The following COL20A1 variants were observed in gnomAD, a reference collection of about 807,000 sequenced individuals.
COL20A1 encodes the protein collagen alpha-1(XX) chain.
COL20A1 carries 164 observed loss-of-function variants against 152.9 expected under a neutral mutation model. The observed-to-expected ratio is 1.07, with a 90% CI of 0.94 to 1.22. The LOEUF (loss-of-function observed/expected upper bound fraction) is 1.22, where lower values mean the gene tolerates loss of function less well. COL20A1 is among the 50% of genes most tolerant of loss of function. The pLI is 0.00. For missense variants in COL20A1, 1,873 were observed against 1,744.8 expected, an observed-to-expected ratio of 1.07 and a Z score of -1.31; for synonymous variants, 864 against 756.0, an observed-to-expected ratio of 1.14 and a Z score of -2.34.
rs774575131 is a variant in COL20A1, at chr20:63,311,484, A to G, written c.1484A>G (p.His495Arg). 1.8e-5 allele frequency: 28 copies of G among 1,579,036 alleles called. No individual in the cohort carries two copies. In the South Asian group the frequency reaches 2.8e-4, roughly 16 times the overall value. Residue 495 changes from histidine (H) to arginine (R), a missense_variant, in exon 12 of 36, where the codon CAC (histidine) becomes CGC (arginine). Physicochemically the swap from His to Arg is conservative, Grantham distance 29. Coordinates refer to ENST00000358894, the MANE Select transcript of COL20A1 (RefSeq NM_020882.4). This position sits in a 1 kb window ranked among gnomAD's most constrained non-coding sequence, Gnocchi z 4.4. ...LTWQPSAGAT[H>R]YLVRCSPASP... is the part of the protein sequence containing the mutation. Reference sequence around the variant, plus strand: ...TGGCAGCCCTCGGCCGGGGCCACCCACTACCTGGTGCGATGTTCTCCTGCT... The same window carrying G: ...TGGCAGCCCTCGGCCGGGGCCACCCGCTACCTGGTGCGATGTTCTCCTGCT...
At position 63,326,818 on chromosome 20, in the gene COL20A1, C is replaced by A. The variant is rs990799911; in HGVS notation, c.3523C>A (p.Pro1175Thr). ...GERGPPGTVG[P>T]TGLPGPKGER... ...GCGAGGACCTCCAGGGACCGTGGGG[C>A]CCACAGTAAGTGCATTTCCAACACC... is the stretch of plus-strand genomic sequence containing the variant. Residue 1175 changes from proline to threonine, a missense_variant, in exon 31 of 36, where the codon CCC (proline) becomes ACC (threonine). Transcript: ENST00000358894. 3 of 1,499,440 alleles carry A rather than the reference C, an allele frequency of 2.0e-6. No homozygotes were observed. Among genetic ancestry groups the A allele is most frequent in the South Asian group, 1.4e-5 (1 of 72,418 alleles). 92.9% of individuals were successfully genotyped at this position (1,499,440 alleles called of 1,614,324 possible).
At chr20:63,301,146 C>T (rs1288150031) in intron 3 of COL20A1, among the ~76,000 whole-genome samples, 1 of 152,182 alleles carries the variant, frequency 6.6e-6, no homozygotes, top group Admixed American at 6.5e-5. Flanking sequence ...AAAACCCCGT[C>T]TCTACTAAAC....
At chr20:63,325,829 C>G (rs2068238836) in intron 29 of COL20A1, 108 bp downstream of exon 29, 12 of 1,018,718 alleles carry the variant, frequency 1.2e-5, no homozygotes, top group Non-Finnish European at 1.8e-5. Context: ...GGTGCTTTCT[C>G]CTGGGCTCCT....
At chr20:63,302,310 G>T (rs985584436) in intron 3 of COL20A1, among the ~76,000 whole-genome samples, 7 of 152,156 alleles carry the variant, frequency 4.6e-5, no homozygotes, top group Middle Eastern at 3.4e-3. Context: ...CTAACTTGAT[G>T]CATGTCTTTT....
At position 63,302,929 on chromosome 20, in the gene COL20A1, A is replaced by G. The variant is rs1455358123; in HGVS notation, c.194-2488A>G. ...CTCAAGTTTGATTATATTTGTTAAC[A>G]AGAATTCTTTATCAGTGGTGCTGTG... is the stretch of plus-strand genomic sequence containing the variant. On this transcript the variant is annotated intron_variant, in intron 3 of 35. Coordinates refer to ENST00000358894, the MANE Select transcript of COL20A1 (RefSeq NM_020882.4). 5.3e-5 allele frequency among the ~76,000 whole-genome samples: 8 copies of G among 152,188 alleles called. No homozygotes were observed. The East Asian group carries it at 1.5e-3, about 29-fold the overall frequency.
rs1425311698 is a variant in COL20A1 at position 63,320,099 on chromosome 20, G to A, written c.2977G>A (p.Glu993Lys). 2.6e-6 allele frequency: 4 copies of A among 1,553,844 alleles called. No homozygotes were observed. Among genetic ancestry groups the A allele is most frequent in the East Asian group, 4.9e-5 (2 of 41,142 alleles). ...CTATGTGGACTGCCGGAAGGTGGCT[G>A]AGCGGCCCCTTGGGGAGATGGGCAG... ...RLYVDCRKVA[E>K]RPLGEMGSPP... The change falls in exon 24 of 36, where the codon GAG (glutamate) becomes AAG (lysine). Residue 993 changes from glutamate (E) to lysine (K), a missense_variant. Coordinates refer to ENST00000358894, the MANE Select transcript of COL20A1 (RefSeq NM_020882.4).
chr20:63,305,863 CTT>C lies in COL20A1; in HGVS notation c.338-16_338-15del. ...GCCCTCCACTCCCACCCTGATGGCT[CTT>C]TGTGTCTCCCTGCAGTTGAGGATCT... On this transcript the variant is annotated splice_polypyrimidine_tract_variant and intron_variant, in intron 4 of 35. Coordinates refer to ENST00000358894, the MANE Select transcript of COL20A1 (RefSeq NM_020882.4). The surrounding 1 kb of genome is among the most constrained non-coding windows in gnomAD (Gnocchi z 4.9). 6.2e-7 allele frequency: 1 copy of C among 1,612,742 alleles called. No homozygotes were observed. The highest frequency in any genetic ancestry group is 8.5e-7 in the Non-Finnish European group (1 of 1,179,608).
At chr20:63,320,811 C>T (rs1407077771) in intron 25 of COL20A1, among the ~76,000 whole-genome samples, 1 of 152,216 alleles carries the variant, frequency 6.6e-6, no homozygotes, top group East Asian at 1.9e-4. Flanking sequence ...AACCCAGGGC[C>T]GGCTGGACAC....
intron 27 of COL20A1, among the ~76,000 whole-genome samples, chr20:63,323,896 T>C (rs2068205777): frequency 6.6e-6 from 1 of 152,230 alleles, no homozygotes; most frequent in South Asian, 2.1e-4. Context: ...ACAATTCAGT[T>C]GGTGTTTTTA....
At chr20:63,296,563 C>T (rs948407198) in intron 2 of COL20A1, among the ~76,000 whole-genome samples, 2 of 152,198 alleles carry the variant, frequency 1.3e-5, no homozygotes, top group Admixed American at 1.3e-4. Context: ...CTGGGTGGGG[C>T]CCTTCCCACC....
At chr20:63,318,719 G>A (rs74397198) in intron 21 of COL20A1, among the ~76,000 whole-genome samples, 13,616 of 152,100 alleles carry the variant, frequency 0.09, 846 homozygotes, top group African/African-American at 0.17. Context: ...TGGGCCTGGC[G>A]CCTCCAAGTA....
At position 63,331,659 on chromosome 20, in the gene COL20A1, A is replaced by G. The variant is rs2068335456; in HGVS notation, c.*943A>G. 6.6e-6 allele frequency: 1 copy of G among 152,232 alleles called. No individual in the cohort carries two copies. Among genetic ancestry groups the G allele is most frequent in the Non-Finnish European group, 1.5e-5 (1 of 68,054 alleles). The allele number at this position is 152,232 out of a possible 1,614,324, so 9.4% of individuals were successfully genotyped here. A position where few individuals can be genotyped will look rare whatever the true frequency, so the allele number is the denominator to read the frequency against. On this transcript the variant is annotated 3_prime_UTR_variant, in exon 36 of 36. Transcript: ENST00000358894. ...CTGGGCCTTGTGGCCCGTGGGGGTG[A>G]TGTGGGAACTTCTACTTCCTTTCCA... is the stretch of plus-strand genomic sequence containing the variant.
chr20:63,294,763 C>T (rs1382632907), intron 1 of COL20A1, among the ~76,000 whole-genome samples: 1 of 152,210 alleles, frequency 6.6e-6, no homozygotes, highest in Non-Finnish European at 1.5e-5. Context: ...AGGCCCCGTG[C>T]CCGTCCCAGC....
In COL20A1 at chr20:63,328,348, G is replaced by T; in HGVS notation, c.3631G>T (p.Asp1211Tyr). The change falls in exon 34 of 36, where the codon GAC (aspartate) becomes TAC (tyrosine). Residue 1211 changes from aspartate to tyrosine, a missense_variant. Transcript: ENST00000358894. ...CCCCACAGCACACGTGTCAAAGTTC[G>T]ACTCCTTCCACGAGAACACCAGGCC... ...VSQASHVSKF[D>Y]SFHENTRPPM... is the part of the protein sequence containing the mutation. 6.2e-7 allele frequency: 1 copy of T among 1,612,196 alleles called. No individual in the cohort carries two copies. Among genetic ancestry groups the T allele is most frequent in the Non-Finnish European group, 8.5e-7 (1 of 1,179,350 alleles).
rs2068230294 is a variant in COL20A1 at position 63,325,439 on chromosome 20, A to G, written c.3295-2A>G. 6.2e-7 allele frequency: 1 copy of G among 1,611,430 alleles called. No homozygotes were observed. The highest frequency in any genetic ancestry group is 8.5e-7 in the Non-Finnish European group (1 of 1,178,508). ...GCTGTCCAGCCCATCTTCCCCCTCC[A>G]GGGTCCACCAGGGGTCAAAGGAGAG... On this transcript the variant is annotated splice_acceptor_variant, in intron 27 of 35. Coordinates refer to ENST00000358894, the MANE Select transcript of COL20A1 (RefSeq NM_020882.4). LOFTEE classifies it high-confidence loss of function.
chr20:63,319,221 C>T lies in COL20A1; in HGVS notation c.2806+21C>T, dbSNP rs572993326. The T allele has an allele frequency of 5.6e-6, 9 of 1,607,754 alleles. No homozygotes were observed. The African/African-American group carries it at 9.3e-5, about 17-fold the overall frequency. On this transcript the variant is annotated intron_variant, in intron 22 of 35. Transcript: ENST00000358894. The surrounding 1 kb of genome is among the most constrained non-coding windows in gnomAD (Gnocchi z 4.4). Reference sequence around the variant, plus strand: ...GGATGGTGACGTGGGCCCCGCGTCGCCCCCAGCAGTCAGGAGGAGTAGGGG... The same window carrying T: ...GGATGGTGACGTGGGCCCCGCGTCGTCCCCAGCAGTCAGGAGGAGTAGGGG...
chr20:63,304,550 G>T lies in COL20A1; in HGVS notation c.194-867G>T, dbSNP rs1172953323. Among the ~76,000 whole-genome samples the T allele has an allele frequency of 2.5e-4, 31 of 123,030 alleles. 2 individuals are homozygous for T. The highest frequency in any genetic ancestry group is 3.0e-4 in the Non-Finnish European group (17 of 55,932). 80.7% of individuals were successfully genotyped at this position (123,030 alleles called of 152,430 possible). ...CTCCCTTCCTCCCTCCAGGTGTGCAGGTGCTGGCTCCTCCCTCCCTTCCTC... is the reference window on the plus strand; with the variant it reads ...CTCCCTTCCTCCCTCCAGGTGTGCATGTGCTGGCTCCTCCCTCCCTTCCTC... On this transcript the variant is annotated intron_variant, in intron 3 of 35. Transcript: ENST00000358894.
At position 63,320,964 on chromosome 20, in the gene COL20A1, A is replaced by G. The variant is rs184334222; in HGVS notation, c.3154-49A>G. ...CTAATCTCAGCTCTAGGGTCAGGCA[A>G]GAGCCAGGGAGAGGGTCTCTCTAAT... On this transcript the variant is annotated intron_variant, in intron 25 of 35. Coordinates refer to ENST00000358894, the MANE Select transcript of COL20A1 (RefSeq NM_020882.4). 1.0e-4 allele frequency: 145 copies of G among 1,402,676 alleles called. No individual in the cohort carries two copies. The East Asian group carries it at 2.7e-3, about 26-fold the overall frequency. The allele number at this position is 1,402,676 out of a possible 1,614,324, so 86.9% of individuals were successfully genotyped here.
Position 63,307,613 on chromosome 20 carries a change from C to T in COL20A1, c.620C>T (p.Ala207Val). The change falls in exon 6 of 36, where the codon GCA (alanine) becomes GTA (valine). Residue 207 changes from alanine (A) to valine (V), a missense_variant. Ala to Val is a moderately conservative substitution (Grantham distance 64). Coordinates refer to ENST00000358894, the MANE Select transcript of COL20A1 (RefSeq NM_020882.4). ...AAGGACTTCCTGGCCAGTGTCATCG[C>T]ACCCTTTGAAATCGGGCCGGATAAG... ...QVKDFLASVI[A>V]PFEIGPDKVQ... 6.2e-7 allele frequency: 1 copy of T among 1,612,596 alleles called. No homozygotes were observed. The highest frequency in any genetic ancestry group is 8.5e-7 in the Non-Finnish European group (1 of 1,179,722).
Sources: gnomAD v4.1 joint callset for allele counts (sites outside exome capture counted in the v4.1 genomes callset) on GRCh38, gnomAD v4.1.1 for gene constraint, Gnocchi (gnomAD v3.1) non-coding constraint, MANE v1.5 for transcripts, NCBI Gene and HGNC (gene_info 2026-07-23, HGNC 2026-07-21) for gene names.